Variants in HTR2C observed in about 807,000 individuals in gnomAD.
HTR2C encodes 5-hydroxytryptamine receptor 2C, also known as 5-hydroxytryptamine (serotonin) receptor 2C, G protein-coupled.
HTR2C carries 5 observed loss-of-function variants against 21.0 expected under a neutral mutation model. The ratio of observed to expected loss-of-function variants is 0.24; its 90% CI spans 0.12 to 0.50. HTR2C has a LOEUF of 0.50. Among genes scored for constraint, HTR2C ranks in the 20% least tolerant of loss-of-function variants. The pLI, the probability that HTR2C is intolerant of heterozygous loss-of-function variation, is 0.98. For missense variants in HTR2C, 271 were observed against 371.2 expected, an observed-to-expected ratio of 0.73 and a Z score of 2.22; for synonymous variants, 150 against 145.3, an observed-to-expected ratio of 1.03 and a Z score of -0.23.
chrX:114,850,741 G>A (rs1410809230), intron 5 of HTR2C, among the ~76,000 whole-genome samples: 3 of 110,853 alleles, frequency 2.7e-5, no homozygotes, highest in African/African-American at 9.8e-5. Context: ...AATATAAAAC[G>A]TATACTGAAT....
At chrX:114,901,002 C>G (rs1322059131) in intron 5 of HTR2C, among the ~76,000 whole-genome samples, 1 of 112,276 alleles carries the variant, frequency 8.9e-6, no homozygotes, top group Non-Finnish European at 1.9e-5. Flanking sequence ...AATTTTGCTG[C>G]TGGTAGTTTT....
At chrX:114,906,541 C>A in intron 5 of HTR2C, 48 bp from the exon 6 acceptor site, 1 of 907,103 alleles carries the variant, frequency 1.1e-6, no homozygotes, top group Non-Finnish European at 1.6e-6. Context: ...TACATCTGTT[C>A]AGTCCTTCAA....
chrX:114,806,715 GATATATACACCATATATATACACACCAT>G (rs1406343944), intron 4 of HTR2C, among the ~76,000 whole-genome samples: 5,635 of 91,893 alleles, frequency 0.061, 179 homozygotes, highest in African/African-American at 0.07. Context: ...ACACCATATA[GATATATACACCATATATATACACACCAT>G]ATATATACAC....
chrX:114,878,211 T>A (rs2071154048), intron 5 of HTR2C, among the ~76,000 whole-genome samples: 1 of 110,773 alleles, frequency 9.0e-6, no homozygotes, highest in South Asian at 3.7e-4. Flanking sequence ...TTTATAATAA[T>A]CTTCTTTGTC....
intron 5 of HTR2C, among the ~76,000 whole-genome samples, chrX:114,855,278 T>G (rs1307537616): frequency 1.8e-5 from 2 of 111,575 alleles, no homozygotes; most frequent in Non-Finnish European, 3.8e-5. Context: ...AATACTTTAC[T>G]TCAGTACTTC....
chrX:114,867,743 C>A (rs782444018), intron 5 of HTR2C, among the ~76,000 whole-genome samples: 3 of 111,943 alleles, frequency 2.7e-5, no homozygotes, highest in African/African-American at 9.7e-5. Context: ...GTTTTCCCAG[C>A]ACCAGTTATT....
chrX:114,814,101 A>G (rs1276491272), intron 4 of HTR2C, among the ~76,000 whole-genome samples: 1 of 109,768 alleles, frequency 9.1e-6, no homozygotes, highest in African/African-American at 3.3e-5. Context: ...AGGAGGTTTG[A>G]AAAAGGGGTA....
intron 4 of HTR2C, among the ~76,000 whole-genome samples, chrX:114,816,377 T>G (rs1179344608): frequency 9.1e-6 from 1 of 110,173 alleles, no homozygotes; most frequent in Non-Finnish European, 1.9e-5. Context: ...CTTTTTAGTT[T>G]TAATCTGTAA....
intron 1 of HTR2C, among the ~76,000 whole-genome samples, chrX:114,610,361 T>G (rs782079095): frequency 8.9e-6 from 1 of 112,010 alleles, no homozygotes; most frequent in East Asian, 2.8e-4. Context: ...CTTCACAGGG[T>G]TCTTATGACT....
intron 4 of HTR2C, among the ~76,000 whole-genome samples, chrX:114,838,600 G>A (rs1556464706): frequency 4.5e-5 from 5 of 111,644 alleles, no homozygotes; most frequent in Non-Finnish European, 1.9e-5. Flanking sequence ...TAAAAATCAT[G>A]TAACATTTGA....
chrX:114,777,682 C>G (rs1393393431), intron 4 of HTR2C, among the ~76,000 whole-genome samples: 6 of 110,919 alleles, frequency 5.4e-5, no homozygotes, highest in Non-Finnish European at 1.1e-4. Flanking sequence ...CGCAGCCTCC[C>G]GAGTAGCTGG....
intron 1 of HTR2C, among the ~76,000 whole-genome samples, chrX:114,597,696 C>T (rs1927920129): frequency 9.0e-6 from 1 of 111,571 alleles, no homozygotes; most frequent in Non-Finnish European, 1.9e-5. Context: ...AGACATGCAC[C>T]ATCAGATGTT....
At chrX:114,897,531 C>T (rs1453808863) in intron 5 of HTR2C, among the ~76,000 whole-genome samples, 2 of 111,630 alleles carry the variant, frequency 1.8e-5, no homozygotes, top group African/African-American at 6.5e-5. Flanking sequence ...GCTCAGCATC[C>T]ATTAGCTATT....
chrX:114,820,666 C>A (rs987071932), intron 4 of HTR2C, among the ~76,000 whole-genome samples: 1 of 110,087 alleles, frequency 9.1e-6, no homozygotes, highest in Non-Finnish European at 1.9e-5. Flanking sequence ...CTCATGAGAT[C>A]TCATGAGTTT....
intron 5 of HTR2C, among the ~76,000 whole-genome samples, chrX:114,868,460 G>A (rs1370242324): frequency 1.8e-5 from 2 of 110,439 alleles, no homozygotes; most frequent in African/African-American, 3.3e-5. Flanking sequence ...GCTGTCCCTA[G>A]TAGAAATCCA....
intron 1 of HTR2C, among the ~76,000 whole-genome samples, chrX:114,595,924 C>T (rs1377789548): frequency 9.0e-6 from 1 of 111,597 alleles, no homozygotes; most frequent in Non-Finnish European, 1.9e-5. Flanking sequence ...TTGAGTTCTG[C>T]TTCAAATTTT....
chrX:114,774,647 CT>C (rs2070038601), intron 4 of HTR2C, among the ~76,000 whole-genome samples: 1 of 111,941 alleles, frequency 8.9e-6, no homozygotes, highest in Non-Finnish European at 1.9e-5. Flanking sequence ...CAGTACAGTG[CT>C]TATAAAGTGC....
intron 5 of HTR2C, among the ~76,000 whole-genome samples, chrX:114,862,859 CATCT>C (rs2071017079): frequency 9.0e-6 from 1 of 110,618 alleles, no homozygotes; most frequent in South Asian, 3.7e-4. Context: ...GAATGTATTC[CATCT>C]ATCTAACTGT....
chrX:114,784,019 A>C (rs2147404351), intron 4 of HTR2C, among the ~76,000 whole-genome samples: 1 of 110,549 alleles, frequency 9.0e-6, no homozygotes, highest in African/African-American at 3.3e-5. Context: ...CTCAAAAATT[A>C]GGAATTGCAG....
Sources: gnomAD v4.1 joint callset for allele counts (sites outside exome capture counted in the v4.1 genomes callset) on GRCh38, gnomAD v4.1.1 for gene constraint, MANE v1.5 for transcripts, NCBI Gene and HGNC (gene_info 2026-07-23, HGNC 2026-07-21) for gene names.